KCNH6: variants seen among roughly 807,000 people sequenced by gnomAD.
The protein encoded by KCNH6 is voltage-gated inwardly rectifying potassium channel KCNH6.
KCNH6 carries 81 observed loss-of-function variants against 83.4 expected under a neutral mutation model. That is an observed-to-expected ratio of 0.97 (90% CI 0.81 to 1.17). KCNH6 has a LOEUF of 1.17. KCNH6 is among the 50% of genes most tolerant of loss of function. The probability of loss-of-function intolerance (pLI) is 0.00; values close to 1 mark genes in which losing one functional copy is unlikely to be tolerated. For synonymous variants in KCNH6, 503 were observed against 545.6 expected (o/e 0.92, Z 1.09); for missense variants, 1,203 against 1,290.5 (o/e 0.93, Z 1.04).
intron 6 of KCNH6, among the ~76,000 whole-genome samples, chr17:63,536,367 A>T (rs2032499615): frequency 6.6e-6 from 1 of 152,226 alleles, no homozygotes; most frequent in Non-Finnish European, 1.5e-5. Flanking sequence ...AATCGGCCAG[A>T]TGCTGTGGCT....
At chr17:63,539,214 A>G (rs769520080) in intron 8 of KCNH6, among the ~76,000 whole-genome samples, 1 of 152,038 alleles carries the variant, frequency 6.6e-6, no homozygotes, top group South Asian at 2.1e-4. Context: ...CTTGATTCTC[A>G]TCTTCCTTGC....
chr17:63,534,144 G>A lies in KCNH6; in HGVS notation c.934G>A (p.Val312Ile), dbSNP rs765198104. Residue 312 changes from valine to isoleucine, a missense_variant, in exon 5 of 13, where the codon GTC (valine) becomes ATC (isoleucine). Transcript: ENST00000314672. This position sits in a 1 kb window ranked among gnomAD's most constrained non-coding sequence, Gnocchi z 5.0. ...GGATCTCATCGTGGACATCATGTTC[G>A]TCGTGGACATCGTCATCAACTTCCG... ...VVDLIVDIMF[V>I]VDIVINFRTT... 2.5e-5 allele frequency: 40 copies of A among 1,605,242 alleles called. No individual in the cohort carries two copies. The highest frequency in any genetic ancestry group is 1.3e-4 in the South Asian group (12 of 90,942).
intron 2 of KCNH6, among the ~76,000 whole-genome samples, chr17:63,528,615 C>T (rs548028928): frequency 1.1e-4 from 17 of 152,286 alleles, no homozygotes; most frequent in South Asian, 1.0e-3. Flanking sequence ...ATTCAGTCAA[C>T]AAACAACACC....
intron 2 of KCNH6, among the ~76,000 whole-genome samples, chr17:63,526,877 CG>C (rs2031752871): frequency 6.6e-6 from 1 of 152,148 alleles, no homozygotes; most frequent in Non-Finnish European, 1.5e-5. Context: ...AAAAATACCC[CG>C]GGAGACATCT....
At chr17:63,524,108 T>A in intron 1 of KCNH6, 31 bp from the exon 2 acceptor site, 1 of 1,507,182 alleles carries the variant, frequency 6.6e-7, no homozygotes, top group South Asian at 1.1e-5. Context: ...CTGGCTCCCA[T>A]GGACTTTTTG....
Position 63,533,824 on chromosome 17 carries a change from C to T in KCNH6, c.676-62C>T. On this transcript the variant is annotated intron_variant, in intron 4 of 12. Transcript: ENST00000314672. The surrounding 1 kb of genome is among the most constrained non-coding windows in gnomAD (Gnocchi z 4.1). Reference sequence around the variant, plus strand: ...TACACCTTCCCCAGGCCTCAGCCCTCTAGGCCAGTCTCACCAGCAGTGGCT... The same window carrying T: ...TACACCTTCCCCAGGCCTCAGCCCTTTAGGCCAGTCTCACCAGCAGTGGCT... 2 of 1,523,340 alleles carry T rather than the reference C, an allele frequency of 1.3e-6. No individual in the cohort carries two copies. The highest frequency in any genetic ancestry group is 3.5e-5 in the Admixed American group (2 of 57,966). 94.4% of individuals were successfully genotyped at this position (1,523,340 alleles called of 1,614,324 possible).
chr17:63,530,291 A>C, intron 3 of KCNH6, 39 bp downstream of exon 3: 1 of 1,613,678 alleles, frequency 6.2e-7, no homozygotes, highest in Non-Finnish European at 8.5e-7. Flanking sequence ...GGGACGCATG[A>C]GGGTCCCCTG....
Position 63,533,150 on chromosome 17 carries a change from T to C in KCNH6, c.676-736T>C, listed in dbSNP as rs185328083. Among the ~76,000 whole-genome samples, 2 of 150,666 alleles carry C rather than the reference T, an allele frequency of 1.3e-5. No individual in the cohort carries two copies. Among genetic ancestry groups the C allele is most frequent in the East Asian group, 3.9e-4 (2 of 5,066 alleles). ...TGGGCAGCTGGGCAGAGCCAGGGCA[T>C]GTTGTGCTGGGACCTAGAGATCCTG... is the stretch of plus-strand genomic sequence containing the variant. On this transcript the variant is annotated intron_variant, in intron 4 of 12. Transcript: ENST00000314672. This position sits in a 1 kb window ranked among gnomAD's most constrained non-coding sequence, Gnocchi z 4.1.
chr17:63,530,012 C>G, intron 2 of KCNH6, 79 bp from the exon 3 acceptor site: 1 of 1,496,754 alleles, frequency 6.7e-7, no homozygotes, highest in South Asian at 1.2e-5. Flanking sequence ...GACCTTCACT[C>G]AGCCCCTTCC....
In KCNH6 at chr17:63,530,114, G is replaced by C; in HGVS notation, c.331G>C (p.Asp111His). 1.9e-6 allele frequency: 3 copies of C among 1,613,756 alleles called. No homozygotes were observed. Among genetic ancestry groups the C allele is most frequent in the Middle Eastern group, 1.8e-4 (1 of 5,674 alleles). Reference protein sequence around the residue: ...KDASSFRCLVDVVPVKNEDGA... With the variant: ...KDASSFRCLVHVVPVKNEDGA... ...AGCCTCCAGCTTCCGCTGCCTGGTAGATGTGGTGCCCGTGAAGAACGAGGA... is the reference window on the plus strand; with the variant it reads ...AGCCTCCAGCTTCCGCTGCCTGGTACATGTGGTGCCCGTGAAGAACGAGGA... The change falls in exon 3 of 13, where the codon GAT (aspartate) becomes CAT (histidine). Residue 111 changes from aspartate to histidine, a missense_variant. Coordinates refer to ENST00000314672, the MANE Select transcript of KCNH6 (RefSeq NM_001278919.2).
chr17:63,533,799 T>A lies in KCNH6; in HGVS notation c.676-87T>A. On this transcript the variant is annotated intron_variant, in intron 4 of 12. Coordinates refer to ENST00000314672, the MANE Select transcript of KCNH6 (RefSeq NM_001278919.2). This position sits in a 1 kb window ranked among gnomAD's most constrained non-coding sequence, Gnocchi z 4.1. Reference sequence around the variant, plus strand: ...GCCGTGGTCACCCACCCTCTCCCACTACACCTTCCCCAGGCCTCAGCCCTC... The same window carrying A: ...GCCGTGGTCACCCACCCTCTCCCACAACACCTTCCCCAGGCCTCAGCCCTC... The A allele has an allele frequency of 5.4e-5, 64 of 1,175,932 alleles. No homozygotes were observed. Among genetic ancestry groups the A allele is most frequent in the East Asian group, 1.5e-4 (5 of 33,092 alleles). The allele number at this position is 1,175,932 out of a possible 1,614,324, so 72.8% of individuals were successfully genotyped here. A position where few individuals can be genotyped will look rare whatever the true frequency, so the allele number is the denominator to read the frequency against.
intron 11 of KCNH6, among the ~76,000 whole-genome samples, chr17:63,544,738 G>C (rs561211484): frequency 2.4e-4 from 36 of 152,096 alleles, no homozygotes; most frequent in Non-Finnish European, 4.1e-4. Context: ...TCAAATTCTG[G>C]CTCTGTTCCC....
In KCNH6 at chr17:63,536,023, A is replaced by G. The variant is rs1418615840; in HGVS notation, c.1456A>G (p.Thr486Ala). ...GGGCTTCGGCAATGTCTCGCCCAAC[A>G]CCAACTCCGAGAAGGTCTTCTCCAT... is the stretch of plus-strand genomic sequence containing the variant. ...SVGFGNVSPN[T>A]NSEKVFSICV... Residue 486 changes from threonine (T) to alanine (A), a missense_variant, in exon 6 of 13, where the codon ACC (threonine) becomes GCC (alanine). Coordinates refer to ENST00000314672, the MANE Select transcript of KCNH6 (RefSeq NM_001278919.2). The G allele has an allele frequency of 1.2e-6, 2 of 1,613,618 alleles. No homozygotes were observed. The highest frequency in any genetic ancestry group is 1.7e-6 in the Non-Finnish European group (2 of 1,180,020).
Position 63,538,625 on chromosome 17 carries a change from C to G in KCNH6, c.1917C>G (p.Ile639Met). The change falls in exon 8 of 13, where the codon ATC (isoleucine) becomes ATG (methionine). Residue 639 changes from isoleucine to methionine, a missense_variant. Transcript: ENST00000314672. This position sits in a 1 kb window ranked among gnomAD's most constrained non-coding sequence, Gnocchi z 4.0. ...TCTACTTCATCTCCCGAGGCTCCATCGAGATCCTGCGCGACGACGTGGTCG... is the reference window on the plus strand; with the variant it reads ...TCTACTTCATCTCCCGAGGCTCCATGGAGATCCTGCGCGACGACGTGGTCG... ...STLYFISRGS[I>M]EILRDDVVVA... 1.1e-5 allele frequency: 17 copies of G among 1,603,936 alleles called. No individual in the cohort carries two copies. Among genetic ancestry groups the G allele is most frequent in the Non-Finnish European group, 1.4e-5 (17 of 1,173,372 alleles).
rs147985248 is a variant in KCNH6, at chr17:63,538,184, A to G, written c.1621A>G (p.Ile541Val). ...RVKEFIRFHQ[I>V]PNPLRQRLEE... ...CAAGGAGTTCATCCGCTTCCACCAGATCCCCAACCCACTGCGCCAGCGCCT... is the reference window on the plus strand; with the variant it reads ...CAAGGAGTTCATCCGCTTCCACCAGGTCCCCAACCCACTGCGCCAGCGCCT... Residue 541 changes from isoleucine (I) to valine (V), a missense_variant, in exon 7 of 13, where the codon ATC (isoleucine) becomes GTC (valine). Transcript: ENST00000314672. The surrounding 1 kb of genome is among the most constrained non-coding windows in gnomAD (Gnocchi z 4.0). The G allele has an allele frequency of 0.022, 34,945 of 1,614,130 alleles. 478 individuals are homozygous for G. Among genetic ancestry groups the G allele is most frequent in the Non-Finnish European group, 0.026 (30,477 of 1,180,004 alleles).
At chr17:63,524,416 C>G in intron 2 of KCNH6, 47 bp downstream of exon 2, 2 of 1,539,264 alleles carry the variant, frequency 1.3e-6, no homozygotes, top group Non-Finnish European at 1.8e-6. Flanking sequence ...GCTTGGCCCT[C>G]TGTCTTGTCC....
At chr17:63,530,946 G>T (rs1174436107) in intron 4 of KCNH6, among the ~76,000 whole-genome samples, 2 of 152,160 alleles carry the variant, frequency 1.3e-5, no homozygotes, top group Non-Finnish European at 2.9e-5. Context: ...GGTGTGGGGG[G>T]GGGTCCCAGC....
At chr17:63,524,101 G>T in intron 1 of KCNH6, 38 bp from the exon 2 acceptor site, 1 of 1,441,058 alleles carries the variant, frequency 6.9e-7, no homozygotes. Flanking sequence ...CTGGATCCTG[G>T]CTCCCATGGA....
chr17:63,523,542 A>C lies in KCNH6; in HGVS notation c.76+53A>C. ...GACGATCTGGAGTCCTGGTTCCGTG[A>C]AAGGGGGGGCTGGACCCCTTTACTA... is the stretch of plus-strand genomic sequence containing the variant. On this transcript the variant is annotated intron_variant, in intron 1 of 12. Coordinates refer to ENST00000314672, the MANE Select transcript of KCNH6 (RefSeq NM_001278919.2). This position sits in a 1 kb window ranked among gnomAD's most constrained non-coding sequence, Gnocchi z 4.2. 27 of 1,480,090 alleles carry C rather than the reference A, an allele frequency of 1.8e-5. No homozygotes were observed. The highest frequency in any genetic ancestry group is 2.4e-5 in the Non-Finnish European group (26 of 1,077,290). 91.7% of individuals were successfully genotyped at this position (1,480,090 alleles called of 1,614,324 possible).
Sources: allele counts gnomAD v4.1 joint callset (sites outside exome capture counted in the v4.1 genomes callset), GRCh38; gene constraint gnomAD v4.1.1; non-coding constraint Gnocchi (gnomAD v3.1); transcripts MANE v1.5; gene names NCBI Gene and HGNC (gene_info 2026-07-23, HGNC 2026-07-21).